Variants in NEK10 observed in about 807,000 individuals in gnomAD.
The protein encoded by NEK10 is NIMA related kinase 10, also known as serine/threonine-protein kinase Nek10.
Under a neutral mutation model 159.8 loss-of-function variants are expected in NEK10, and 122 were observed. The ratio of observed to expected loss-of-function variants is 0.76; its 90% CI spans 0.66 to 0.89. The LOEUF (loss-of-function observed/expected upper bound fraction) is 0.89, where lower values mean the gene tolerates loss of function less well. NEK10 is among the 40% of genes least tolerant of loss of function. NEK10 has a pLI of 0.00. For missense variants in NEK10, 1,342 were observed against 1,323.1 expected, an observed-to-expected ratio of 1.01 and a Z score of -0.22; for synonymous variants, 466 against 457.1, an observed-to-expected ratio of 1.02 and a Z score of -0.25.
At chr3:27,125,851 A>G (rs1941880563) in intron 32 of NEK10, among the ~76,000 whole-genome samples, 1 of 152,164 alleles carries the variant, frequency 6.6e-6, no homozygotes, top group Non-Finnish European at 1.5e-5. Flanking sequence ...AACTAAAAGA[A>G]GGCTGAAAAA....
chr3:27,333,485 G>T (rs371717409), intron 5 of NEK10, among the ~76,000 whole-genome samples: 1 of 151,150 alleles, frequency 6.6e-6, no homozygotes, highest in South Asian at 2.1e-4. Flanking sequence ...GGCAGAAGTC[G>T]CAGTGAGCCC....
Position 27,332,336 on chromosome 3 carries a change from C to A in NEK10, c.363-10075G>T, listed in dbSNP as rs908531877. 2.6e-5 allele frequency among the ~76,000 whole-genome samples: 4 copies of A among 152,168 alleles called. No individual in the cohort carries two copies. In the South Asian group the frequency reaches 6.2e-4, roughly 24 times the overall value. On this transcript the variant is annotated intron_variant, in intron 5 of 35. Coordinates refer to ENST00000691995, the MANE Select transcript of NEK10 (RefSeq NM_001394966.1). ...AATATTCATATAACATGATCCAATT[C>A]TTTCTTTACTTTTGATTTTGCAAGA...
At chr3:27,199,103 T>C (rs1030609581) in intron 25 of NEK10, among the ~76,000 whole-genome samples, 2 of 143,888 alleles carry the variant, frequency 1.4e-5, no homozygotes, top group Admixed American at 6.9e-5. Context: ...AAAGACAAAA[T>C]TGACAAGTGG....
chr3:27,156,929 GATATATAT>G (rs4016654), intron 30 of NEK10, among the ~76,000 whole-genome samples: 2,518 of 28,212 alleles, frequency 0.089, 96 homozygotes, highest in African/African-American at 0.097. Context: ...TAAAGAAACT[GATATATAT>G]ATATATATAT....
intron 30 of NEK10, chr3:27,143,364 G>A (rs1575484487): frequency 1.6e-6 from 1 of 632,798 alleles, no homozygotes; most frequent in Admixed American, 2.6e-5. Context: ...ATTTTAATGA[G>A]TTAAAATCTC....
rs192160412 is a variant in NEK10 at position 27,300,081 on chromosome 3, C to G, written c.1168+1615G>C. Among the ~76,000 whole-genome samples, 22 of 152,062 alleles carry G rather than the reference C, an allele frequency of 1.4e-4. No homozygotes were observed. In the East Asian group the frequency reaches 4.3e-3, roughly 29 times the overall value. On this transcript the variant is annotated intron_variant, in intron 13 of 35. Coordinates refer to ENST00000691995, the MANE Select transcript of NEK10 (RefSeq NM_001394966.1). ...GTGAGGACATACGATTTGGGAGGGGCCGGGAGCAAAATGATATGGTTTGAC... is the reference window on the plus strand; with the variant it reads ...GTGAGGACATACGATTTGGGAGGGGGCGGGAGCAAAATGATATGGTTTGAC...
chr3:27,240,944 A>C (rs565408449), intron 23 of NEK10, among the ~76,000 whole-genome samples: 26 of 152,252 alleles, frequency 1.7e-4, no homozygotes, highest in South Asian at 4.1e-4. Context: ...ATGAGCCACC[A>C]TGCCTGGCCT....
chr3:27,344,290 T>A lies in NEK10; in HGVS notation c.344A>T (p.Lys115Ile), dbSNP rs779997830. The A allele has an allele frequency of 1.3e-6, 2 of 1,584,848 alleles. No homozygotes were observed. Among genetic ancestry groups the A allele is most frequent in the Non-Finnish European group, 1.7e-6 (2 of 1,157,596 alleles). Residue 115 changes from lysine (K) to isoleucine (I), a missense_variant, in exon 5 of 36, where the codon AAA becomes ATA. Physicochemically the swap from Lys to Ile is moderately radical, Grantham distance 102 (BLOSUM62 -3). Coordinates refer to ENST00000691995, the MANE Select transcript of NEK10 (RefSeq NM_001394966.1). ...ATCTTACCTGCTTATGAGTCTATTT[T>A]TCACCAAGGCGGTAAAGATCTCCTG... Reference protein sequence around the residue: ...LFQEIFTALVKNRLISREWVN... With the variant: ...LFQEIFTALVINRLISREWVN...
intron 7 of NEK10, 69 bp downstream of exon 7, chr3:27,314,228 C>G: frequency 9.0e-7 from 1 of 1,107,952 alleles, no homozygotes; most frequent in Non-Finnish European, 1.4e-6. Flanking sequence ...GTCACATACC[C>G]TTTTAATTCT....
chr3:27,287,616 T>C, intron 20 of NEK10, 82 bp downstream of exon 20: 1 of 1,425,764 alleles, frequency 7.0e-7, no homozygotes. Flanking sequence ...TTGATTAGGT[T>C]TCTTTTGTGA....
intron 1 of NEK10, among the ~76,000 whole-genome samples, chr3:27,355,066 G>T (rs772727830): frequency 6.6e-6 from 1 of 152,196 alleles, no homozygotes; most frequent in Non-Finnish European, 1.5e-5. Flanking sequence ...TAAAATCAAC[G>T]ACTCCATGTG....
intron 23 of NEK10, among the ~76,000 whole-genome samples, chr3:27,236,773 G>C (rs1011937397): frequency 2.0e-5 from 3 of 152,102 alleles, no homozygotes; most frequent in African/African-American, 7.2e-5. Flanking sequence ...ACAAGGCAAA[G>C]GGCAAAATTA....
intron 9 of NEK10, chr3:27,310,355 C>T (rs1274094666): frequency 6.6e-6 from 1 of 152,106 alleles, no homozygotes; most frequent in Non-Finnish European, 1.5e-5. Context: ...TGTGTATCAC[C>T]TAGAATCATC....
At chr3:27,235,906 T>C (rs1953856784) in intron 23 of NEK10, among the ~76,000 whole-genome samples, 1 of 151,342 alleles carries the variant, frequency 6.6e-6, no homozygotes, top group Admixed American at 6.6e-5. Context: ...ATAGACTGGG[T>C]AAAAAAAAGT....
At chr3:27,339,775 T>A (rs1394797051) in intron 5 of NEK10, among the ~76,000 whole-genome samples, 1 of 58,404 alleles carries the variant, frequency 1.7e-5, no homozygotes, top group Non-Finnish European at 3.2e-5. Context: ...CGAGACTCCA[T>A]CTCAAAAAAA....
rs528013730 is a variant in NEK10, at chr3:27,363,988, G to A, written c.-38+5237C>T. ...AGAAATAACAACATGCCTATGACAAGGTGGCAGTCGGGACTAAATAAAATA... is the reference window on the plus strand; with the variant it reads ...AGAAATAACAACATGCCTATGACAAAGTGGCAGTCGGGACTAAATAAAATA... On this transcript the variant is annotated intron_variant, in intron 1 of 35. Transcript: ENST00000691995. 2.6e-5 allele frequency: 4 copies of A among 152,102 alleles called. No homozygotes were observed. In the South Asian group the frequency reaches 8.3e-4, roughly 32 times the overall value. The allele number at this position is 152,102 out of a possible 1,614,324, so 9.4% of individuals were successfully genotyped here.
At position 27,110,416 on chromosome 3, in the gene NEK10, TAAG is replaced by T. The variant is rs1939393619; in HGVS notation, c.*853_*855del. On this transcript the variant is annotated 3_prime_UTR_variant, in exon 36 of 36. Transcript: ENST00000691995. ...TCATAAACAATTTAGGTAATTGTAA[TAAG>T]GAGGGATTTAGGATGAGGAATATTG... The T allele has an allele frequency of 6.6e-6, 1 of 152,216 alleles. No homozygotes were observed. The highest frequency in any genetic ancestry group is 2.1e-4 in the South Asian group (1 of 4,830). 9.4% of individuals were successfully genotyped at this position (152,216 alleles called of 1,614,324 possible).
At position 27,305,628 on chromosome 3, in the gene NEK10, A is replaced by ATAAT. The variant is rs372463121; in HGVS notation, c.804-658_804-657insATTA. On this transcript the variant is annotated intron_variant, in intron 11 of 35. Coordinates refer to ENST00000691995, the MANE Select transcript of NEK10 (RefSeq NM_001394966.1). ...GTGCTAAAGACTAAAAAAAAAAAAA[A>ATAAT]AATAATAATAATAAAAGCCTTATTC... 8.7e-3 allele frequency among the ~76,000 whole-genome samples: 1,292 copies of ATAAT among 148,994 alleles called. 13 individuals carry two copies. Among genetic ancestry groups the ATAAT allele is most frequent in the African/African-American group, 0.03 (1,207 of 40,570 alleles).
At chr3:27,289,874 A>G (rs555109452) in intron 19 of NEK10, among the ~76,000 whole-genome samples, 10 of 152,250 alleles carry the variant, frequency 6.6e-5, no homozygotes, top group Non-Finnish European at 1.5e-4. Context: ...ATTTTTATGA[A>G]CAAAGGTCTC....
Sources: gnomAD v4.1 joint callset for allele counts (sites outside exome capture counted in the v4.1 genomes callset) on GRCh38, gnomAD v4.1.1 for gene constraint, MANE v1.5 for transcripts, NCBI Gene and HGNC (gene_info 2026-07-23, HGNC 2026-07-21) for gene names.